Variants in MSRA observed in about 807,000 individuals in gnomAD.
MSRA encodes the protein mitochondrial peptide methionine sulfoxide reductase.
Under a neutral mutation model 31.3 loss-of-function variants are expected in MSRA, and 54 were observed. The ratio of observed to expected loss-of-function variants is 1.73; its 90% CI spans 1.39 to 2.17. The LOEUF (loss-of-function observed/expected upper bound fraction) is 2.17, where lower values mean the gene tolerates loss of function less well. MSRA is among the 30% of genes most tolerant of loss of function. The probability of loss-of-function intolerance (pLI) is 0.00; values close to 1 mark genes in which losing one functional copy is unlikely to be tolerated. For synonymous variants in MSRA, 169 were observed against 116.5 expected (o/e 1.45, Z -2.90); for missense variants, 507 against 300.9 (o/e 1.69, Z -5.07).
At chr8:10,362,918 A>G (rs911576185) in intron 5 of MSRA, among the ~76,000 whole-genome samples, 1 of 151,732 alleles carries the variant, frequency 6.6e-6, no homozygotes, top group Non-Finnish European at 1.5e-5. Flanking sequence ...AATACACTCA[A>G]CTGCTTAAAT....
intron 5 of MSRA, among the ~76,000 whole-genome samples, chr8:10,420,027 A>G (rs1386305802): frequency 1.3e-5 from 2 of 152,208 alleles, no homozygotes; most frequent in African/African-American, 2.4e-5. Flanking sequence ...ATGTTCCCAG[A>G]TGTGTATTAT....
intron 3 of MSRA, among the ~76,000 whole-genome samples, chr8:10,284,732 G>A (rs1486181047): frequency 1.3e-5 from 2 of 152,098 alleles, no homozygotes; most frequent in African/African-American, 4.8e-5. Context: ...CTCAGTGGTG[G>A]TGTGATGGTG....
chr8:10,163,723 G>A (rs1243999616), intron 1 of MSRA, among the ~76,000 whole-genome samples: 1 of 152,242 alleles, frequency 6.6e-6, no homozygotes, highest in Non-Finnish European at 1.5e-5. Flanking sequence ...GTGAAGGAAG[G>A]ATAACATGGC....
intron 1 of MSRA, among the ~76,000 whole-genome samples, chr8:10,177,511 C>T (rs1806159893): frequency 6.6e-6 from 1 of 151,586 alleles, no homozygotes; most frequent in African/African-American, 2.4e-5. Context: ...TCCACCTCTT[C>T]TTTGGGAGGA....
In MSRA at chr8:10,336,595, T is replaced by A. The variant is rs1286821984; in HGVS notation, c.543+16606T>A. Among the ~76,000 whole-genome samples, 2 of 152,194 alleles carry A rather than the reference T, an allele frequency of 1.3e-5. 1 individual carries two copies. On this transcript the variant is annotated intron_variant, in intron 5 of 5. Coordinates refer to ENST00000317173, the MANE Select transcript of MSRA (RefSeq NM_012331.5). ...AAAGAGACAATATTGGGCAAACCAG[T>A]GAAATTAGGCTCTTGTTTACATGAG...
At chr8:10,381,298 C>A (rs1806054235) in intron 5 of MSRA, among the ~76,000 whole-genome samples, 1 of 152,118 alleles carries the variant, frequency 6.6e-6, no homozygotes, top group African/African-American at 2.4e-5. Context: ...TTTGATCCAC[C>A]CTATTCCTAA....
At chr8:10,194,794 C>T (rs1585139386) in intron 1 of MSRA, among the ~76,000 whole-genome samples, 1 of 152,200 alleles carries the variant, frequency 6.6e-6, no homozygotes, top group South Asian at 2.1e-4. Flanking sequence ...TGCTTACCTG[C>T]AGCTGCCAGC....
chr8:10,331,313 C>A (rs183379291), intron 5 of MSRA, among the ~76,000 whole-genome samples: 2 of 152,316 alleles, frequency 1.3e-5, no homozygotes, highest in Non-Finnish European at 2.9e-5. Flanking sequence ...CTGGCTGGAG[C>A]CCTGGCTCTG....
At chr8:10,385,320 TTACTAAA>T in intron 5 of MSRA, among the ~76,000 whole-genome samples, 1 of 152,198 alleles carries the variant, frequency 6.6e-6, no homozygotes, top group African/African-American at 2.4e-5. Flanking sequence ...AACAGGATTC[TTACTAAA>T]ATTGGACAAC....
At chr8:10,271,147 A>G (rs537703320) in intron 3 of MSRA, among the ~76,000 whole-genome samples, 11 of 152,236 alleles carry the variant, frequency 7.2e-5, no homozygotes, top group African/African-American at 2.2e-4. Context: ...AGAAGTAAAC[A>G]AACAGCTTTT....
intron 2 of MSRA, among the ~76,000 whole-genome samples, chr8:10,229,250 GAGA>G (rs1811260209): frequency 6.6e-6 from 1 of 152,140 alleles, no homozygotes. Flanking sequence ...AGGAGATGGT[GAGA>G]AGGTCAATAT....
chr8:10,380,770 A>C (rs541617833), intron 5 of MSRA, among the ~76,000 whole-genome samples: 3 of 152,040 alleles, frequency 2.0e-5, no homozygotes, highest in South Asian at 4.2e-4. Flanking sequence ...GGATGGCTGG[A>C]TGGATGGATG....
intron 2 of MSRA, among the ~76,000 whole-genome samples, chr8:10,234,716 A>G (rs1261231693): frequency 3.9e-5 from 6 of 152,080 alleles, no homozygotes; most frequent in Admixed American, 1.3e-4. Context: ...ATAAAGACAC[A>G]TGGAAAGGTT....
At chr8:10,287,476 C>G (rs1799996715) in intron 3 of MSRA, among the ~76,000 whole-genome samples, 3 of 152,142 alleles carry the variant, frequency 2.0e-5, no homozygotes, top group Admixed American at 2.0e-4. Flanking sequence ...TACAGAGTAA[C>G]CAGGAATCTC....
intron 5 of MSRA, among the ~76,000 whole-genome samples, chr8:10,392,539 G>A (rs1055000226): frequency 3.3e-5 from 5 of 152,118 alleles, no homozygotes; most frequent in Non-Finnish European, 1.5e-5. Context: ...GGATCTGGCC[G>A]ATGATGCTCT....
chr8:10,129,403 G>A (rs183610539), intron 1 of MSRA, among the ~76,000 whole-genome samples: 270 of 152,244 alleles, frequency 1.8e-3, no homozygotes, highest in African/African-American at 6.4e-3. Flanking sequence ...TATTCAGAAA[G>A]TTAAATGAAA....
chr8:10,054,733 G>C, intron 1 of MSRA, 75 bp downstream of exon 1: 2 of 1,377,308 alleles, frequency 1.5e-6, no homozygotes, highest in Non-Finnish European at 1.9e-6. Flanking sequence ...CAGCGCGCCC[G>C]CTGCCCGGAA....
intron 4 of MSRA, among the ~76,000 whole-genome samples, chr8:10,315,378 A>G (rs1209191908): frequency 2.0e-5 from 3 of 152,256 alleles, no homozygotes; most frequent in Non-Finnish European, 4.4e-5. Flanking sequence ...ATAGAGACAC[A>G]TGGAAGACTC....
At chr8:10,269,587 T>A (rs1227875227) in intron 3 of MSRA, among the ~76,000 whole-genome samples, 1 of 152,210 alleles carries the variant, frequency 6.6e-6, no homozygotes, top group Non-Finnish European at 1.5e-5. Flanking sequence ...GCAGAAAATT[T>A]GGACATCAGC....
Sources: gnomAD v4.1 joint callset for allele counts (sites outside exome capture counted in the v4.1 genomes callset) on GRCh38, gnomAD v4.1.1 for gene constraint, MANE v1.5 for transcripts, NCBI Gene and HGNC (gene_info 2026-07-23, HGNC 2026-07-21) for gene names.